SERPINE2: variants seen among roughly 807,000 people sequenced by gnomAD.
SERPINE2 encodes the protein glia-derived nexin.
A neutral mutation model predicts 36.3 loss-of-function variants in SERPINE2; 14 were observed. The ratio of observed to expected loss-of-function variants is 0.39; its 90% CI spans 0.25 to 0.60. The LOEUF (loss-of-function observed/expected upper bound fraction) is 0.60, where lower values mean the gene tolerates loss of function less well. Ranked by LOEUF, SERPINE2 falls within the 20% of genes least tolerant of loss-of-function variation. The probability of loss-of-function intolerance (pLI) is 0.57; values close to 1 mark genes in which losing one functional copy is unlikely to be tolerated. For synonymous variants in SERPINE2, 192 were observed against 191.8 expected (o/e 1.00, Z -0.01); for missense variants, 418 against 499.6 (o/e 0.84, Z 1.56).
At chr2:224,012,622 T>C (rs973924098) in intron 1 of SERPINE2, among the ~76,000 whole-genome samples, 17 of 149,650 alleles carry the variant, frequency 1.1e-4, no homozygotes, top group African/African-American at 3.9e-4. Context: ...AAAAAAATTA[T>C]ACACAGGCAC....
chr2:223,996,804 C>T (rs1192419061), intron 3 of SERPINE2, among the ~76,000 whole-genome samples: 3 of 152,210 alleles, frequency 2.0e-5, no homozygotes, highest in Non-Finnish European at 4.4e-5. Context: ...TAGCCAGGCA[C>T]AGGGGCTCAT....
At chr2:224,008,164 G>A (rs994683484) in intron 1 of SERPINE2, among the ~76,000 whole-genome samples, 1 of 152,196 alleles carries the variant, frequency 6.6e-6, no homozygotes, top group Non-Finnish European at 1.5e-5. Context: ...TGCCGTAGAG[G>A]GTGGTGAAAT....
At chr2:223,999,156 A>G (rs1691007638) in intron 2 of SERPINE2, among the ~76,000 whole-genome samples, 1 of 152,222 alleles carries the variant, frequency 6.6e-6, no homozygotes, top group Non-Finnish European at 1.5e-5. Flanking sequence ...AAAAATTACC[A>G]TGGGCCACCA....
chr2:223,975,817 TC>T lies in SERPINE2; in HGVS notation c.*49del. 1 of 1,461,972 alleles carries T rather than the reference TC, an allele frequency of 6.8e-7. No homozygotes were observed. Among genetic ancestry groups the T allele is most frequent in the East Asian group, 2.3e-5 (1 of 43,368 alleles). 90.6% of individuals were successfully genotyped at this position (1,461,972 alleles called of 1,614,324 possible). A position where few individuals can be genotyped will look rare whatever the true frequency, so the allele number is the denominator to read the frequency against. Reference sequence around the variant, plus strand: ...ATGAAAGATGCAGGAAAGGAGTCTTTCTTCGTAGCAAAGTAGTCGTTGCTTT... The same window carrying T: ...ATGAAAGATGCAGGAAAGGAGTCTTTTTCGTAGCAAAGTAGTCGTTGCTTT... On this transcript the variant is annotated 3_prime_UTR_variant, in exon 9 of 9. Transcript: ENST00000409304.
intron 5 of SERPINE2, among the ~76,000 whole-genome samples, chr2:223,983,410 T>C (rs1457750590): frequency 6.6e-6 from 1 of 152,066 alleles, no homozygotes; most frequent in Non-Finnish European, 1.5e-5. Context: ...CCCACGACCA[T>C]GCCTGGCTAA....
intron 1 of SERPINE2, among the ~76,000 whole-genome samples, chr2:224,003,109 T>A (rs896380712): frequency 6.6e-6 from 1 of 152,056 alleles, no homozygotes; most frequent in Non-Finnish European, 1.5e-5. Flanking sequence ...AACATCGTGA[T>A]GAGACCTGAA....
chr2:224,031,831 G>T (rs1365070403), intron 1 of SERPINE2, among the ~76,000 whole-genome samples: 1 of 142,366 alleles, frequency 7.0e-6, no homozygotes, highest in Non-Finnish European at 1.5e-5. Flanking sequence ...AGGGAGGTAA[G>T]CCTGGAGCTA....
intron 1 of SERPINE2, among the ~76,000 whole-genome samples, chr2:224,009,702 A>T (rs558286908): frequency 4.6e-5 from 7 of 151,886 alleles, no homozygotes; most frequent in Admixed American, 4.6e-4. Flanking sequence ...CTCAAAAAAA[A>T]AACAACAACA....
intron 1 of SERPINE2, among the ~76,000 whole-genome samples, chr2:224,007,970 G>A (rs1691488386): frequency 6.6e-6 from 1 of 152,210 alleles, no homozygotes; most frequent in African/African-American, 2.4e-5. Context: ...CTTTGTTTAT[G>A]GCTGCATCTG....
Position 224,001,027 on chromosome 2 carries a change from G to A in SERPINE2, c.259+615C>T, listed in dbSNP as rs546412805. 5.9e-5 allele frequency among the ~76,000 whole-genome samples: 9 copies of A among 152,252 alleles called. No individual in the cohort carries two copies. In the South Asian group the frequency reaches 1.9e-3, roughly 32 times the overall value. On this transcript the variant is annotated intron_variant, in intron 2 of 8. Coordinates refer to ENST00000409304, the MANE Select transcript of SERPINE2 (RefSeq NM_001136528.2). ...AAGTGGCAAAACAATATGCAAGGAA[G>A]TCCCACGTGCCTTTCACCCAGTCTT...
intron 1 of SERPINE2, among the ~76,000 whole-genome samples, chr2:224,011,054 T>G (rs1350615909): frequency 1.3e-5 from 2 of 152,006 alleles, no homozygotes; most frequent in African/African-American, 4.8e-5. Flanking sequence ...GGGGGAGGGG[T>G]GAGTATGTCC....
At chr2:224,006,413 C>T (rs1045554558) in intron 1 of SERPINE2, among the ~76,000 whole-genome samples, 1 of 152,230 alleles carries the variant, frequency 6.6e-6, no homozygotes, top group Non-Finnish European at 1.5e-5. Context: ...CTCCCTTAGC[C>T]TCCACCTAGC....
chr2:224,035,109 A>T (rs936857308), intron 1 of SERPINE2, among the ~76,000 whole-genome samples: 2 of 90,298 alleles, frequency 2.2e-5, no homozygotes, highest in Non-Finnish European at 5.1e-5. Flanking sequence ...TCACACCAGC[A>T]ATAACATGGA....
At chr2:224,033,782 A>G (rs1375121569) in intron 1 of SERPINE2, among the ~76,000 whole-genome samples, 2 of 152,206 alleles carry the variant, frequency 1.3e-5, no homozygotes, top group East Asian at 1.9e-4. Context: ...AGCCCAGCCA[A>G]CAGACCTCAA....
chr2:224,029,657 A>G (rs1292688323), intron 1 of SERPINE2, among the ~76,000 whole-genome samples: 1 of 152,200 alleles, frequency 6.6e-6, no homozygotes, highest in Admixed American at 6.5e-5. Context: ...AGAGACCTAA[A>G]TATTAAACCA....
chr2:224,017,850 T>TGAC (rs1201590866), intron 1 of SERPINE2, among the ~76,000 whole-genome samples: 3 of 152,228 alleles, frequency 2.0e-5, no homozygotes, highest in Admixed American at 2.0e-4. Flanking sequence ...CCTGGGGTCC[T>TGAC]CTCTTCAGGC....
intron 6 of SERPINE2, chr2:223,981,184 C>T (rs773699092): frequency 5.9e-5 from 9 of 152,122 alleles, no homozygotes; most frequent in Non-Finnish European, 1.3e-4. Context: ...CAATGCCCAG[C>T]TCTAATATGA....
chr2:224,004,512 C>A (rs184382380), intron 1 of SERPINE2, among the ~76,000 whole-genome samples: 32 of 152,294 alleles, frequency 2.1e-4, no homozygotes, highest in Non-Finnish European at 2.9e-4. Flanking sequence ...TTGACTTTGG[C>A]ACCTAGGACT....
intron 1 of SERPINE2, among the ~76,000 whole-genome samples, chr2:224,006,297 G>A (rs1184126832): frequency 6.6e-6 from 1 of 152,124 alleles, no homozygotes; most frequent in East Asian, 1.9e-4. Flanking sequence ...TTATCCACTG[G>A]TGGGGAGGGG....
Sources: gnomAD v4.1 joint callset for allele counts (sites outside exome capture counted in the v4.1 genomes callset) on GRCh38, gnomAD v4.1.1 for gene constraint, MANE v1.5 for transcripts, NCBI Gene and HGNC (gene_info 2026-07-23, HGNC 2026-07-21) for gene names.